Variants in SYT12 observed in about 807,000 individuals in gnomAD.
SYT12 encodes the protein synaptotagmin-12.
Under a neutral mutation model 39.5 loss-of-function variants are expected in SYT12, and 27 were observed. The observed-to-expected ratio is 0.68, with a 90% CI of 0.50 to 0.94. The LOEUF (loss-of-function observed/expected upper bound fraction) is 0.94, where lower values mean the gene tolerates loss of function less well. SYT12 is among the 40% of genes least tolerant of loss of function. The pLI, the probability that SYT12 is intolerant of heterozygous loss-of-function variation, is 0.00. For synonymous variants in SYT12, 233 were observed against 239.7 expected (o/e 0.97, Z 0.26); for missense variants, 536 against 572.6 (o/e 0.94, Z 0.65).
chr11:67,033,453 G>T (rs752407784), intron 2 of SYT12, among the ~76,000 whole-genome samples: 1 of 152,178 alleles, frequency 6.6e-6, no homozygotes, highest in Non-Finnish European at 1.5e-5. Context: ...ACCAGGATGG[G>T]TGCTCAATGG....
intron 4 of SYT12, among the ~76,000 whole-genome samples, chr11:67,040,579 C>A (rs1950493381): frequency 6.6e-6 from 1 of 152,170 alleles, no homozygotes; most frequent in African/African-American, 2.4e-5. Flanking sequence ...GTGGCTCATG[C>A]CTCTAATCTC....
intron 2 of SYT12, chr11:67,031,411 G>A (rs1407791574): frequency 6.6e-6 from 1 of 152,240 alleles, no homozygotes; most frequent in Non-Finnish European, 1.5e-5. Context: ...TCTGTCTGGA[G>A]GCAGATCTCT....
chr11:67,018,680 G>A (rs1477763079), upstream of SYT12, among the ~76,000 whole-genome samples: 1 of 152,076 alleles, frequency 6.6e-6, no homozygotes, highest in Non-Finnish European at 1.5e-5. Flanking sequence ...AATATTAGTC[G>A]GGCATGGTGG....
chr11:67,043,433 G>T (rs1373763615), intron 4 of SYT12, among the ~76,000 whole-genome samples: 2 of 152,198 alleles, frequency 1.3e-5, no homozygotes, highest in Admixed American at 1.3e-4. Context: ...TAAAACGCCA[G>T]GCCACTAGAT....
At chr11:67,032,239 A>G (rs1482502913) in intron 2 of SYT12, 1 of 152,196 alleles carries the variant, frequency 6.6e-6, no homozygotes, top group Admixed American at 6.5e-5. Flanking sequence ...AATGACCTCA[A>G]TTGTCATTCT....
chr11:67,043,612 G>A lies in SYT12; in HGVS notation c.622-26G>A, dbSNP rs116232231. ...TGCTGTGGCCTCTCAGGCCCCTAGC[G>A]CCCTCCATGGCCTTTTCTCCTGCAG... On this transcript the variant is annotated intron_variant, in intron 4 of 7. Transcript: ENST00000527043. 1.1e-4 allele frequency: 172 copies of A among 1,612,008 alleles called. No homozygotes were observed. In the African/African-American group the frequency reaches 1.9e-3, roughly 18 times the overall value.
chr11:67,014,255 C>CCCAT (rs1445001667), intron 3 of SYT12, among the ~76,000 whole-genome samples: 1 of 152,212 alleles, frequency 6.6e-6, no homozygotes, highest in East Asian at 1.9e-4. Context: ...CTGCAACCAT[C>CCCAT]CCATCAGCCT....
intron 2 of SYT12, chr11:67,010,185 A>C (rs759426379): frequency 6.6e-6 from 1 of 152,204 alleles, no homozygotes; most frequent in East Asian, 1.9e-4. Context: ...TGTAGAGAAA[A>C]GGTTTTGTCC....
intron 2 of SYT12, among the ~76,000 whole-genome samples, chr11:67,010,333 T>A (rs1950004739): frequency 6.6e-6 from 1 of 152,154 alleles, no homozygotes; most frequent in African/African-American, 2.4e-5. Context: ...GTGGTGACAG[T>A]GTGACTTCTG....
At chr11:67,039,758 G>C in intron 3 of SYT12, 53 bp from the exon 4 acceptor site, 1 of 1,550,558 alleles carries the variant, frequency 6.4e-7, no homozygotes, top group African/African-American at 1.4e-5. Flanking sequence ...GTCTCCCAGT[G>C]ACCTTGCCTA....
intron 7 of SYT12, 91 bp downstream of exon 7, chr11:67,045,968 C>T (rs1854534757): frequency 2.0e-6 from 3 of 1,537,776 alleles, no homozygotes; most frequent in Admixed American, 1.9e-5. Context: ...AGGGCCCCTG[C>T]AGGGGTAGTG....
chr11:67,035,020 T>C (rs1157433010), intron 3 of SYT12, among the ~76,000 whole-genome samples, 182 bp downstream of exon 3: 2 of 149,460 alleles, frequency 1.3e-5, no homozygotes, highest in Non-Finnish European at 1.5e-5. Flanking sequence ...TTTTTTTTTT[T>C]TTTTTTGAGA....
intron 3 of SYT12, among the ~76,000 whole-genome samples, chr11:67,038,450 C>T (rs1245635508): frequency 6.6e-6 from 1 of 151,826 alleles, no homozygotes; most frequent in Non-Finnish European, 1.5e-5. Context: ...AGGCATGAGC[C>T]ACCGTGCCTG....
At chr11:67,034,915 C>G in intron 3 of SYT12, 77 bp downstream of exon 3, 1 of 1,189,352 alleles carries the variant, frequency 8.4e-7, no homozygotes, top group Non-Finnish European at 1.1e-6. Context: ...AGTCTTCAGC[C>G]CCTCTCCCTC....
chr11:67,011,886 C>T (rs922760902), intron 3 of SYT12, among the ~76,000 whole-genome samples: 1 of 151,924 alleles, frequency 6.6e-6, no homozygotes, highest in African/African-American at 2.4e-5. Flanking sequence ...CCATCTCAGC[C>T]TCCCGAGTAG....
chr11:67,043,125 C>T (rs1369732334), intron 4 of SYT12, among the ~76,000 whole-genome samples: 2 of 152,220 alleles, frequency 1.3e-5, no homozygotes, highest in Non-Finnish European at 2.9e-5. Flanking sequence ...CAGTGGTGCC[C>T]ACCAGGCAGG....
rs560885565 is a variant in SYT12, at chr11:67,044,366, G to T, written c.838-227G>T. ...CCTCCGCCCCAGGCAGGACCCTCCC[G>T]GTGGAAGGGAGGAGTGGGGCATGCT... On this transcript the variant is annotated intron_variant, in intron 5 of 7. Transcript: ENST00000527043. Among the ~76,000 whole-genome samples, 7 of 152,274 alleles carry T rather than the reference G, an allele frequency of 4.6e-5. No homozygotes were observed. In the East Asian group the frequency reaches 1.3e-3, roughly 29 times the overall value.
upstream of SYT12, among the ~76,000 whole-genome samples, chr11:67,018,703 G>A (rs995878918): frequency 6.6e-6 from 1 of 151,936 alleles, no homozygotes; most frequent in African/African-American, 2.4e-5. Flanking sequence ...AGCACCTGTA[G>A]TACCAGCTAC....
At chr11:67,025,842 C>T (rs1049077280) in intron 1 of SYT12, among the ~76,000 whole-genome samples, 10 of 151,942 alleles carry the variant, frequency 6.6e-5, no homozygotes, top group African/African-American at 2.4e-4. Flanking sequence ...ATGGGTCTTA[C>T]GGGTGATGGG....
Sources: allele counts gnomAD v4.1 joint callset (sites outside exome capture counted in the v4.1 genomes callset), GRCh38; gene constraint gnomAD v4.1.1; transcripts MANE v1.5; gene names NCBI Gene and HGNC (gene_info 2026-07-23, HGNC 2026-07-21).